NFILZ: variants seen among roughly 807,000 people sequenced by gnomAD.
NFILZ encodes the protein NFIL3 like basic leucine zipper.
At chr19:8,634,483 T>C (rs1555745882) in intron 2 of NFILZ, among the ~76,000 whole-genome samples, 1 of 152,214 alleles carries the variant, frequency 6.6e-6, no homozygotes, top group African/African-American at 2.4e-5. Flanking sequence ...GGGATCTCTC[T>C]CAAATTCCTG....
At chr19:8,668,714 T>C (rs2043073831) in intron 3 of NFILZ, among the ~76,000 whole-genome samples, 1 of 152,206 alleles carries the variant, frequency 6.6e-6, no homozygotes, top group Non-Finnish European at 1.5e-5. Context: ...GGGAGACTTT[T>C]ATCCTTGTCA....
intron 3 of NFILZ, among the ~76,000 whole-genome samples, chr19:8,652,999 C>CTTTCTTT (rs2042973424): frequency 5.3e-4 from 24 of 45,110 alleles, no homozygotes; most frequent in South Asian, 1.1e-3. Context: ...TTCCTTCCTT[C>CTTTCTTT]CTTCCTTCCT....
In NFILZ at chr19:8,678,995, G is replaced by T. The variant is rs1396657405; in HGVS notation, c.*1360G>T. 1.3e-5 allele frequency among the ~76,000 whole-genome samples: 2 copies of T among 152,106 alleles called. No individual in the cohort carries two copies. The highest frequency in any genetic ancestry group is 6.5e-5 in the Admixed American group (1 of 15,278). ...TAGGGTGTCTGAATCCCCCTTCTTGGTGTCCCCTGGGGGGCTTGCTTACCA... is the reference window on the plus strand; with the variant it reads ...TAGGGTGTCTGAATCCCCCTTCTTGTTGTCCCCTGGGGGGCTTGCTTACCA... On this transcript the variant is annotated 3_prime_UTR_variant, in exon 6 of 6. Transcript: ENST00000691075.
At chr19:8,646,387 C>T (rs890267888) in intron 3 of NFILZ, among the ~76,000 whole-genome samples, 1 of 152,088 alleles carries the variant, frequency 6.6e-6, no homozygotes, top group Non-Finnish European at 1.5e-5. Flanking sequence ...GAAGCTGGGG[C>T]GCAGAGAGGT....
In NFILZ at chr19:8,678,127, C is replaced by T. The variant is rs139679719; in HGVS notation, c.*492C>T. ...CATCCATCCATCCATCCATCCATCC[C>T]TCCATCCATTCATCCACTTGTCCGT... On this transcript the variant is annotated 3_prime_UTR_variant, in exon 6 of 6. Coordinates refer to ENST00000691075, the MANE Select transcript of NFILZ (RefSeq NM_001378600.1). Among the ~76,000 whole-genome samples the T allele has an allele frequency of 0.19, 2,591 of 13,288 alleles. 30 individuals carry two copies. Among genetic ancestry groups the T allele is most frequent in the Middle Eastern group, 0.25 (5 of 20 alleles). The allele number at this position is 13,288 out of a possible 152,430, so 8.7% of individuals were successfully genotyped here.
At position 8,677,335 on chromosome 19, in the gene NFILZ, C is replaced by A. The variant is rs753507466; in HGVS notation, c.570C>A (p.Leu190=). Among the ~76,000 whole-genome samples the A allele has an allele frequency of 7.9e-5, 12 of 152,218 alleles. No individual in the cohort carries two copies. Among genetic ancestry groups the A allele is most frequent in the Non-Finnish European group, 1.8e-4 (12 of 68,038 alleles). Residue 190 remains leucine, a synonymous_variant, in exon 6 of 6, where the codon CTC becomes CTA. Transcript: ENST00000691075. The part of the protein sequence containing the change: ...NRIDMALQTA[L]PPALFSCHLL... ...TTGACATGGCCTTGCAGACTGCCCT[C>A]CCACCTGCCCTCTTCAGCTGTCACC...
chr19:8,673,948 C>T (rs1161959023), intron 3 of NFILZ, among the ~76,000 whole-genome samples: 3 of 152,216 alleles, frequency 2.0e-5, no homozygotes, highest in Non-Finnish European at 4.4e-5. Flanking sequence ...TCAAGTGATT[C>T]TCCTGTCTCA....
chr19:8,649,077 C>T (rs1200482775), intron 3 of NFILZ, among the ~76,000 whole-genome samples: 3 of 151,820 alleles, frequency 2.0e-5, no homozygotes, highest in Admixed American at 2.0e-4. Flanking sequence ...ATCCTTCCAC[C>T]TCAGCCTCCT....
At chr19:8,667,938 T>A (rs1408155636) in intron 3 of NFILZ, among the ~76,000 whole-genome samples, 2 of 152,050 alleles carry the variant, frequency 1.3e-5, no homozygotes, top group Non-Finnish European at 2.9e-5. Context: ...ATATGTATTT[T>A]TTATTTTATT....
intron 3 of NFILZ, among the ~76,000 whole-genome samples, chr19:8,647,586 C>CAA (rs2042944580): frequency 6.8e-6 from 1 of 147,568 alleles, no homozygotes; most frequent in African/African-American, 2.5e-5. Flanking sequence ...ACCCCCCCCC[C>CAA]CAAAAAAAGG....
At chr19:8,663,722 TTG>T (rs879983007) in intron 3 of NFILZ, among the ~76,000 whole-genome samples, 153 of 10,788 alleles carry the variant, frequency 0.014, no homozygotes, top group Middle Eastern at 0.045. Context: ...GTGTGTGTGT[TTG>T]TGTGTGTGTG....
chr19:8,639,101 C>T (rs1167618138), intron 3 of NFILZ, among the ~76,000 whole-genome samples: 1 of 152,142 alleles, frequency 6.6e-6, no homozygotes, highest in Non-Finnish European at 1.5e-5. Context: ...GACTCGGCCT[C>T]CCAAAGTGGT....
chr19:8,656,458 C>T lies in NFILZ; in HGVS notation c.-163-18093C>T, dbSNP rs868958375. On this transcript the variant is annotated intron_variant, in intron 3 of 5. Coordinates refer to ENST00000691075, the MANE Select transcript of NFILZ (RefSeq NM_001378600.1). ...CCACCTTCTCCTCGAAGCCCACCTTCTCTCTGAAGCCCACCTTCTCCCGCA... is the reference window on the plus strand; with the variant it reads ...CCACCTTCTCCTCGAAGCCCACCTTTTCTCTGAAGCCCACCTTCTCCCGCA... Among the ~76,000 whole-genome samples, 161 of 81,498 alleles carry T rather than the reference C, an allele frequency of 2.0e-3. 12 individuals carry two copies. The highest frequency in any genetic ancestry group is 6.6e-3 in the African/African-American group (128 of 19,390). The allele number at this position is 81,498 out of a possible 152,430, so 53.5% of individuals were successfully genotyped here. A position where few individuals can be genotyped will look rare whatever the true frequency, so the allele number is the denominator to read the frequency against.
intron 3 of NFILZ, among the ~76,000 whole-genome samples, chr19:8,637,869 T>A (rs2042901509): frequency 8.7e-6 from 1 of 115,540 alleles, no homozygotes; most frequent in South Asian, 2.9e-4. Context: ...ATTGCGCCAC[T>A]GTACTACAGC....
At chr19:8,634,186 AG>A (rs1193324470) in intron 2 of NFILZ, among the ~76,000 whole-genome samples, 1 of 151,806 alleles carries the variant, frequency 6.6e-6, no homozygotes, top group Non-Finnish European at 1.5e-5. Context: ...TTGGTAGAGA[AG>A]GGGTTTCACC....
chr19:8,663,426 G>A (rs1322488745), intron 3 of NFILZ, among the ~76,000 whole-genome samples: 1 of 149,400 alleles, frequency 6.7e-6, no homozygotes, highest in Non-Finnish European at 1.5e-5. Context: ...TGGGGAAGGT[G>A]GAGGGGGAGC....
intron 3 of NFILZ, among the ~76,000 whole-genome samples, chr19:8,662,621 T>TC (rs2043036977): frequency 6.6e-6 from 1 of 150,988 alleles, no homozygotes; most frequent in Non-Finnish European, 1.5e-5. Flanking sequence ...GGATCTTAGA[T>TC]GAAGTTTTCC....
intron 3 of NFILZ, among the ~76,000 whole-genome samples, chr19:8,663,750 G>GTGTA (rs1555749458): frequency 2.2e-5 from 3 of 136,966 alleles, no homozygotes; most frequent in African/African-American, 5.5e-5. Flanking sequence ...GTGTGTGTGT[G>GTGTA]TGTGTGTGTG....
intron 3 of NFILZ, among the ~76,000 whole-genome samples, chr19:8,642,780 A>G (rs961454153): frequency 6.6e-6 from 1 of 152,036 alleles, no homozygotes; most frequent in Non-Finnish European, 1.5e-5. Context: ...AACAAGCCAT[A>G]TGGTCAAACC....
Sources: allele counts gnomAD v4.1 joint callset (sites outside exome capture counted in the v4.1 genomes callset), GRCh38; gene constraint gnomAD v4.1.1; transcripts MANE v1.5; gene names NCBI Gene and HGNC (gene_info 2026-07-23, HGNC 2026-07-21).